Variants in PLK5 observed in about 807,000 individuals in gnomAD.
The protein encoded by PLK5 is inactive serine/threonine-protein kinase PLK5.
A neutral mutation model predicts 33.7 loss-of-function variants in PLK5; 28 were observed. The observed-to-expected ratio is 0.83, with a 90% CI of 0.62 to 1.14. The LOEUF is 1.14. Ranked by LOEUF, PLK5 falls within the 50% of genes most tolerant of loss-of-function variation. The pLI is 0.00. For synonymous variants in PLK5, 225 were observed against 202.2 expected, an observed-to-expected ratio of 1.11 and a Z score of -0.96; for missense variants, 492 against 461.5, an observed-to-expected ratio of 1.07 and a Z score of -0.61.
In PLK5 at chr19:1,530,870, G is replaced by A. The variant is rs367927447; in HGVS notation, c.569-868G>A. On this transcript the variant is annotated intron_variant, in intron 11 of 13. Coordinates refer to ENST00000454744, the MANE Select transcript of PLK5 (RefSeq NM_001243079.2). ...CCTGACCTCGTGATCCGCCTGTCTCGGCCTCCCAAAGTGCTAGGATTACAG... is the reference window on the plus strand; with the variant it reads ...CCTGACCTCGTGATCCGCCTGTCTCAGCCTCCCAAAGTGCTAGGATTACAG... 1.7e-4 allele frequency among the ~76,000 whole-genome samples: 25 copies of A among 151,026 alleles called. 2 individuals are homozygous for A. The East Asian group carries it at 2.0e-3, about 12-fold the overall frequency.
Position 1,524,450 on chromosome 19 carries a change from C to G in PLK5, c.-544+204C>G, listed in dbSNP as rs1328836438. Among the ~76,000 whole-genome samples the G allele has an allele frequency of 6.6e-6, 1 of 151,980 alleles. No individual in the cohort carries two copies. The highest frequency in any genetic ancestry group is 6.6e-5 in the Admixed American group (1 of 15,252). ...TGTTGAGCGCGCTGTGCGTCGTGTCCGTGGGTTGCGTGTCCGGGGTGTGGG... is the reference window on the plus strand; with the variant it reads ...TGTTGAGCGCGCTGTGCGTCGTGTCGGTGGGTTGCGTGTCCGGGGTGTGGG... On this transcript the variant is annotated intron_variant, in intron 1 of 13. Transcript: ENST00000454744. This position sits in a 1 kb window ranked among gnomAD's most constrained non-coding sequence, Gnocchi z 4.5.
intron 6 of PLK5, 31 bp downstream of exon 6, chr19:1,527,029 GCCTCC>G: frequency 8.5e-7 from 1 of 1,173,498 alleles, no homozygotes; most frequent in Non-Finnish European, 1.2e-6. Flanking sequence ...GGTGGGCAGG[GCCTCC>G]GGGGGGGGCA....
chr19:1,528,358 C>T lies in PLK5; in HGVS notation c.258C>T (p.Ala86=). The T allele has an allele frequency of 6.5e-7, 1 of 1,535,748 alleles. No individual in the cohort carries two copies. Among genetic ancestry groups the T allele is most frequent in the South Asian group, 1.2e-5 (1 of 84,060 alleles). Reference sequence around the variant, plus strand: ...CCTGCCACAGTCCCCCCATCTTCGCCATACCCCCGCCTCTGGGCAGGATCT... The same window carrying T: ...CCTGCCACAGTCCCCCCATCTTCGCTATACCCCCGCCTCTGGGCAGGATCT... ...AHSCHSPPIF[A]IPPPLGRIFR... is the part of the protein sequence containing the mutation. Residue 86 remains alanine (A), a synonymous_variant, in exon 8 of 14, where the codon GCC becomes GCT. Coordinates refer to ENST00000454744, the MANE Select transcript of PLK5 (RefSeq NM_001243079.2).
chr19:1,528,356 G>A lies in PLK5; in HGVS notation c.256G>A (p.Ala86Thr), dbSNP rs993986136. ...CTCCTGCCACAGTCCCCCCATCTTC[G>A]CCATACCCCCGCCTCTGGGCAGGAT... Reference protein sequence around the residue: ...AHSCHSPPIFAIPPPLGRIFR... With the variant: ...AHSCHSPPIFTIPPPLGRIFR... Residue 86 changes from alanine to threonine, a missense_variant, in exon 8 of 14, where the codon GCC becomes ACC. Physicochemically the swap from Ala to Thr is moderately conservative, Grantham distance 58 (BLOSUM62 0). Coordinates refer to ENST00000454744, the MANE Select transcript of PLK5 (RefSeq NM_001243079.2). The A allele has an allele frequency of 1.1e-5, 17 of 1,534,532 alleles. No homozygotes were observed. Among genetic ancestry groups the A allele is most frequent in the South Asian group, 6.0e-5 (5 of 84,018 alleles).
chr19:1,532,584 G>A (rs528161182), intron 12 of PLK5, among the ~76,000 whole-genome samples: 4 of 148,550 alleles, frequency 2.7e-5, no homozygotes, highest in Admixed American at 6.8e-5. Context: ...GTGCAGTGGC[G>A]CAATCTCGGC....
In PLK5 at chr19:1,534,013, T is replaced by G; in HGVS notation, c.797T>G (p.Leu266Arg). The G allele has an allele frequency of 6.5e-7, 1 of 1,535,682 alleles. No individual in the cohort carries two copies. Among genetic ancestry groups the G allele is most frequent in the Non-Finnish European group, 8.7e-7 (1 of 1,146,796 alleles). The change falls in exon 13 of 14, where the codon CTG (leucine) becomes CGG (arginine). Residue 266 changes from leucine (L) to arginine (R), a missense_variant. Coordinates refer to ENST00000454744, the MANE Select transcript of PLK5 (RefSeq NM_001243079.2). ...TTCCTGGCCTCTGAGCACGCCCTGC[T>G]GCTGCTGTTCAGCAATGGGATGGTG... ...LRFLASEHAL[L>R]LLFSNGMVQV...
At chr19:1,531,280 G>A (rs999767577) in intron 11 of PLK5, among the ~76,000 whole-genome samples, 4 of 150,754 alleles carry the variant, frequency 2.7e-5, no homozygotes, top group Non-Finnish European at 4.4e-5. Context: ...GTGGTGGCAC[G>A]TGCCTGTGAT....
At chr19:1,526,372 T>TGCTCACCTGTGTGCACCTGC (rs1913739291) in intron 3 of PLK5, 114 bp from the exon 4 acceptor site, 1 of 170,696 alleles carries the variant, frequency 5.9e-6, no homozygotes, top group South Asian at 1.2e-4. Flanking sequence ...GGGTCATCTT[T>TGCTCACCTGTGTGCACCTGC]GCTCACCTGT....
chr19:1,534,035 G>A lies in PLK5; in HGVS notation c.819G>A (p.Met273Ile). Residue 273 changes from methionine (M) to isoleucine (I), a missense_variant, in exon 13 of 14, where the codon ATG becomes ATA. Transcript: ENST00000454744. ...TGCTGCTGCTGTTCAGCAATGGGAT[G>A]GTGCAGGTGAGCCCGGGGCTCAAAC... is the stretch of plus-strand genomic sequence containing the variant. Reference protein sequence around the residue: ...HALLLLFSNGMVQVSFSGVPA... With the variant: ...HALLLLFSNGIVQVSFSGVPA... The A allele has an allele frequency of 2.0e-6, 3 of 1,535,590 alleles. No individual in the cohort carries two copies. Among genetic ancestry groups the A allele is most frequent in the South Asian group, 1.2e-5 (1 of 84,040 alleles).
chr19:1,529,689 G>A, intron 10 of PLK5, 58 bp from the exon 11 acceptor site: 1 of 1,509,908 alleles, frequency 6.6e-7, no homozygotes, highest in South Asian at 1.2e-5. Flanking sequence ...GGACTGGTTG[G>A]AAGAGCCTGG....
In PLK5 at chr19:1,526,923, A is replaced by G; in HGVS notation, c.-74A>G. The G allele has an allele frequency of 1.3e-6, 2 of 1,517,234 alleles. No individual in the cohort carries two copies. Among genetic ancestry groups the G allele is most frequent in the Non-Finnish European group, 1.8e-6 (2 of 1,130,238 alleles). 94.0% of individuals were successfully genotyped at this position (1,517,234 alleles called of 1,614,324 possible). A position where few individuals can be genotyped will look rare whatever the true frequency, so the allele number is the denominator to read the frequency against. ...CCTAGAGTACTCTGTGGGACCCCTAACTTCCTGGACCCTGAGGTTGTCTCC... is the reference window on the plus strand; with the variant it reads ...CCTAGAGTACTCTGTGGGACCCCTAGCTTCCTGGACCCTGAGGTTGTCTCC... On this transcript the variant is annotated 5_prime_UTR_variant, in exon 6 of 14. Transcript: ENST00000454744.
chr19:1,527,527 A>G (rs2145540890), intron 6 of PLK5, among the ~76,000 whole-genome samples: 1 of 152,164 alleles, frequency 6.6e-6, no homozygotes, highest in South Asian at 2.1e-4. Context: ...GCTTGAGCTC[A>G]GGAGGTGGAG....
intron 12 of PLK5, among the ~76,000 whole-genome samples, chr19:1,532,589 C>A (rs1326531944): frequency 6.8e-6 from 1 of 147,146 alleles, no homozygotes; most frequent in Non-Finnish European, 1.5e-5. Context: ...GTGGCGCAAT[C>A]TCGGCTCACT....
At position 1,535,106 on chromosome 19, in the gene PLK5, C is replaced by T. The variant is rs73919227; in HGVS notation, c.867C>T (p.Gly289=). 16,886 of 1,534,274 alleles carry T rather than the reference C, an allele frequency of 0.011. 1,380 individuals carry two copies. In the African/African-American group the frequency reaches 0.19, roughly 17 times the overall value. Residue 289 remains glycine (G), a synonymous_variant, in exon 14 of 14, where the codon GGC becomes GGT. Coordinates refer to ENST00000454744, the MANE Select transcript of PLK5 (RefSeq NM_001243079.2). ...TCCCGGCCCAACTGGTGCTGAGTGG[C>T]GAGGGTGAGGGTTTGCAGCTCACCC... ...SGVPAQLVLS[G]EGEGLQLTLW...
intron 6 of PLK5, 112 bp downstream of exon 6, chr19:1,527,110 A>G: frequency 8.6e-7 from 1 of 1,165,938 alleles, no homozygotes; most frequent in Non-Finnish European, 1.2e-6. Flanking sequence ...GGCGCGTGGA[A>G]CAGGCACCTG....
At chr19:1,534,084 G>A (rs1293425055) in intron 13 of PLK5, 43 bp downstream of exon 13, 1 of 1,470,624 alleles carries the variant, frequency 6.8e-7, no homozygotes, top group Non-Finnish European at 9.2e-7. Context: ...GCTCGGCAGG[G>A]TGGGGTCTGG....
chr19:1,527,820 T>C, intron 6 of PLK5, 116 bp from the exon 7 acceptor site: 3 of 1,056,968 alleles, frequency 2.8e-6, no homozygotes, highest in Non-Finnish European at 4.0e-6. Context: ...TGTTGGGAGA[T>C]GAGGAAGCCG....
In PLK5 at chr19:1,533,924, T is replaced by TCCACAGGAGGGGACCCTCC. The variant is rs1568255214; in HGVS notation, c.715-1_732dup. 6.5e-7 allele frequency: 1 copy of TCCACAGGAGGGGACCCTCC among 1,531,056 alleles called. No homozygotes were observed. Among genetic ancestry groups the TCCACAGGAGGGGACCCTCC allele is most frequent in the East Asian group, 2.4e-5 (1 of 40,840 alleles). The allele number at this position is 1,531,056 out of a possible 1,614,324, so 94.8% of individuals were successfully genotyped here. A position where few individuals can be genotyped will look rare whatever the true frequency, so the allele number is the denominator to read the frequency against. On this transcript the variant is annotated splice_polypyrimidine_tract_variant and splice_region_variant and intron_variant, in intron 12 of 13. Coordinates refer to ENST00000454744, the MANE Select transcript of PLK5 (RefSeq NM_001243079.2). ...CGTCACGTGACCTCAGCCGAGTCTG[T>TCCACAGGAGGGGACCCTCC]CCACAGGAGGGGACCCTCCCCACAC... is the stretch of plus-strand genomic sequence containing the variant.
intron 7 of PLK5, 76 bp from the exon 8 acceptor site, chr19:1,528,226 G>A (rs1045260740): frequency 1.6e-5 from 25 of 1,534,296 alleles, no homozygotes; most frequent in East Asian, 4.9e-5. Flanking sequence ...GGGAGGCCCC[G>A]CCCTGTCCCA....
Sources: gnomAD v4.1 joint callset for allele counts (sites outside exome capture counted in the v4.1 genomes callset) on GRCh38, gnomAD v4.1.1 for gene constraint, Gnocchi (gnomAD v3.1) non-coding constraint, MANE v1.5 for transcripts, NCBI Gene and HGNC (gene_info 2026-07-23, HGNC 2026-07-21) for gene names.